LRCH3: variants seen among roughly 807,000 people sequenced by gnomAD.
The protein encoded by LRCH3 is leucine rich repeats and calponin homology domain containing 3, also known as DISP complex protein LRCH3.
A neutral mutation model predicts 104.5 loss-of-function variants in LRCH3; 68 were observed. That is an observed-to-expected ratio of 0.65 (90% CI 0.54 to 0.80). The LOEUF (loss-of-function observed/expected upper bound fraction) is 0.80. Among genes scored for constraint, LRCH3 ranks in the 30% least tolerant of loss-of-function variants. LRCH3 has a pLI of 0.00. For missense variants in LRCH3, 951 were observed against 953.9 expected (o/e 1.00, Z 0.04); for synonymous variants, 344 against 361.3 (o/e 0.95, Z 0.54).
At chr3:197,869,905 G>A (rs538823100) in intron 17 of LRCH3, among the ~76,000 whole-genome samples, 7 of 150,762 alleles carry the variant, frequency 4.6e-5, no homozygotes, top group Admixed American at 4.6e-4. Context: ...GCAGGAGGTA[G>A]AAAGCCATGC....
Position 197,852,594 on chromosome 3 carries a change from C to T in LRCH3, c.1564C>T (p.Pro522Ser). ...ATCACAAAGTCCACAAAAACAGCAC[C>T]CGCTCCTAGATGGCGTAGATGGTGA... ...KASQSPQKQHPLLDGVDGECP... is the reference protein window; with the variant it reads ...KASQSPQKQHSLLDGVDGECP... Residue 522 changes from proline (P) to serine (S), a missense_variant, in exon 13 of 21, where the codon CCG becomes TCG. Coordinates refer to ENST00000425562, the MANE Select transcript of LRCH3 (RefSeq NM_001365715.1). 6.2e-7 allele frequency: 1 copy of T among 1,614,040 alleles called. No individual in the cohort carries two copies. Among genetic ancestry groups the T allele is most frequent in the East Asian group, 2.2e-5 (1 of 44,876 alleles).
At chr3:197,792,577 T>TTATA (rs11420466) in intron 1 of LRCH3, among the ~76,000 whole-genome samples, 1,379 of 20,312 alleles carry the variant, frequency 0.068, 268 homozygotes, top group East Asian at 0.15. Context: ...CCAGCTAATT[T>TTATA]TATATATATA....
At position 197,858,858 on chromosome 3, in the gene LRCH3, G is replaced by C; in HGVS notation, c.1669G>C (p.Gly557Arg). 1.2e-6 allele frequency: 2 copies of C among 1,613,872 alleles called. No homozygotes were observed. Among genetic ancestry groups the C allele is most frequent in the Non-Finnish European group, 1.7e-6 (2 of 1,179,850 alleles). The change falls in exon 15 of 21, where the codon GGC becomes CGC. Residue 557 changes from glycine to arginine, a missense_variant. Physicochemically the swap from Gly to Arg is moderately radical, Grantham distance 125. Transcript: ENST00000425562. Reference protein sequence around the residue: ...CMSLSGLNQVGCAATLPHSSA... With the variant: ...CMSLSGLNQVRCAATLPHSSA... ...GTCGCTGTCAGGGTTGAATCAAGTG[G>C]GCTGTGCTGCTACCCTGCCTCATTC... is the stretch of plus-strand genomic sequence containing the variant.
In LRCH3 at chr3:197,883,267, C is replaced by T. The variant is rs1256458290; in HGVS notation, c.2209-274C>T. The T allele has an allele frequency of 8.8e-7, 1 of 1,131,028 alleles. No homozygotes were observed. Among genetic ancestry groups the T allele is most frequent in the Non-Finnish European group, 1.1e-6 (1 of 921,572 alleles). 70.1% of individuals were successfully genotyped at this position (1,131,028 alleles called of 1,614,324 possible). Reference sequence around the variant, plus strand: ...TGCTTTCACCCTGCGGTATTGTTTTCCCTCTGTTGTATGTATAGATATATG... The same window carrying T: ...TGCTTTCACCCTGCGGTATTGTTTTTCCTCTGTTGTATGTATAGATATATG... On this transcript the variant is annotated intron_variant, in intron 20 of 20. Coordinates refer to ENST00000425562, the MANE Select transcript of LRCH3 (RefSeq NM_001365715.1). The surrounding 1 kb of genome is among the most constrained non-coding windows in gnomAD (Gnocchi z 4.2).
At position 197,829,577 on chromosome 3, in the gene LRCH3, G is replaced by T; in HGVS notation, c.791G>T (p.Gly264Val). ...GACTTTATTTAGATATGTATAAAAG[G>T]CAAAGTCCACATATTTAAATACCTG... is the stretch of plus-strand genomic sequence containing the variant. ...QSPPAQICIK[G>V]KVHIFKYLNI... The change falls in exon 6 of 21, where the codon GGC (glycine) becomes GTC (valine). Residue 264 changes from glycine (G) to valine (V), a missense_variant. Gly to Val is a moderately radical substitution (Grantham distance 109, BLOSUM62 -3). Coordinates refer to ENST00000425562, the MANE Select transcript of LRCH3 (RefSeq NM_001365715.1). 1 of 1,609,212 alleles carries T rather than the reference G, an allele frequency of 6.2e-7. No homozygotes were observed. Among genetic ancestry groups the T allele is most frequent in the Non-Finnish European group, 8.5e-7 (1 of 1,178,428 alleles).
At position 197,825,834 on chromosome 3, in the gene LRCH3, G is replaced by T. The variant is rs532619770; in HGVS notation, c.641-1044G>T. Among the ~76,000 whole-genome samples the T allele has an allele frequency of 1.6e-3, 250 of 152,044 alleles. 2 individuals are homozygous for T. The highest frequency in any genetic ancestry group is 3.4e-3 in the Middle Eastern group (1 of 294). The stretch of plus-strand genomic sequence containing the variant: ...CTGTGTCATTTTGTGTTACCTTATG[G>T]TAAAATAGTTCCAACCATTCTTATG... On this transcript the variant is annotated intron_variant, in intron 4 of 20. Transcript: ENST00000425562.
chr3:197,850,535 C>T (rs997313298), intron 12 of LRCH3: 2 of 1,590,618 alleles, frequency 1.3e-6, no homozygotes, highest in African/African-American at 2.7e-5. Flanking sequence ...AGGGAGAGCT[C>T]ATGTATGGGT....
chr3:197,856,636 C>T lies in LRCH3; in HGVS notation c.1644+2191C>T, dbSNP rs1740283683. On this transcript the variant is annotated intron_variant, in intron 14 of 20. Coordinates refer to ENST00000425562, the MANE Select transcript of LRCH3 (RefSeq NM_001365715.1). The surrounding 1 kb of genome is among the most constrained non-coding windows in gnomAD (Gnocchi z 4.2). Reference sequence around the variant, plus strand: ...TCCAGGGCTCAAGCAATCCTCCTGCCCCAGCCTCCCAAAGTGCTGAGATTA... The same window carrying T: ...TCCAGGGCTCAAGCAATCCTCCTGCTCCAGCCTCCCAAAGTGCTGAGATTA... 2.0e-5 allele frequency among the ~76,000 whole-genome samples: 3 copies of T among 152,086 alleles called. No individual in the cohort carries two copies. The highest frequency in any genetic ancestry group is 2.1e-4 in the South Asian group (1 of 4,834).
At chr3:197,835,922 C>G in intron 9 of LRCH3, 100 bp downstream of exon 9, 1 of 1,277,806 alleles carries the variant, frequency 7.8e-7, no homozygotes, top group Non-Finnish European at 1.1e-6. Context: ...TTGACTGAAG[C>G]CTAATTGTTT....
rs1263457490 is a variant in LRCH3, at chr3:197,871,440, T to G, written c.2108T>G (p.Ile703Ser). The G allele has an allele frequency of 6.2e-7, 1 of 1,613,954 alleles. No homozygotes were observed. Among genetic ancestry groups the G allele is most frequent in the African/African-American group, 1.3e-5 (1 of 75,048 alleles). ...NHVRPRSVPS[I>S]HVPSPAVPKL... ...GTGCGACCTCGATCTGTCCCAAGCATTCATGTTCCCTCACCAGCTGTAGTA... is the reference window on the plus strand; with the variant it reads ...GTGCGACCTCGATCTGTCCCAAGCAGTCATGTTCCCTCACCAGCTGTAGTA... The change falls in exon 19 of 21, where the codon ATT (isoleucine) becomes AGT (serine). Residue 703 changes from isoleucine to serine, a missense_variant. By Grantham distance (142) the Ile-to-Ser change is moderately radical. Coordinates refer to ENST00000425562, the MANE Select transcript of LRCH3 (RefSeq NM_001365715.1).
At chr3:197,808,901 G>GAA (rs34153607) in intron 1 of LRCH3, among the ~76,000 whole-genome samples, 9 of 150,804 alleles carry the variant, frequency 6.0e-5, no homozygotes, top group South Asian at 2.1e-4. Flanking sequence ...GACTGTCTCA[G>GAA]AAAAAAAAAG....
At chr3:197,870,496 G>A (rs575414627) in intron 18 of LRCH3, among the ~76,000 whole-genome samples, 1 of 151,962 alleles carries the variant, frequency 6.6e-6, no homozygotes, top group East Asian at 1.9e-4. Context: ...CTCCTGAGTC[G>A]CTGGGATTAC....
At chr3:197,864,628 A>G (rs1463550313) in intron 15 of LRCH3, among the ~76,000 whole-genome samples, 1 of 150,346 alleles carries the variant, frequency 6.7e-6, no homozygotes, top group Non-Finnish European at 1.5e-5. Flanking sequence ...AAAAAACAAA[A>G]AACAAAAAAA....
chr3:197,874,426 A>G (rs1376774182), intron 19 of LRCH3, among the ~76,000 whole-genome samples: 1 of 152,198 alleles, frequency 6.6e-6, no homozygotes, highest in Non-Finnish European at 1.5e-5. Flanking sequence ...AGTGTCTCCC[A>G]TCATCCCCAG....
chr3:197,877,876 T>TA lies in LRCH3; in HGVS notation c.2208+2102dup, dbSNP rs1713084101. Among the ~76,000 whole-genome samples the TA allele has an allele frequency of 3.3e-5, 5 of 152,354 alleles. No homozygotes were observed. The South Asian group carries it at 1.0e-3, about 32-fold the overall frequency. On this transcript the variant is annotated intron_variant, in intron 20 of 20. Coordinates refer to ENST00000425562, the MANE Select transcript of LRCH3 (RefSeq NM_001365715.1). ...AAATTGAAAGCAAAATTTTCGTTTT[T>TA]ATATTATGTTGTTTTATAAAGGGTC...
intron 4 of LRCH3, among the ~76,000 whole-genome samples, chr3:197,821,763 C>T (rs1428640574): frequency 1.3e-5 from 2 of 152,254 alleles, no homozygotes; most frequent in African/African-American, 2.4e-5. Context: ...CAGCCTCGAC[C>T]TCTCAGGTTT....
intron 12 of LRCH3, among the ~76,000 whole-genome samples, chr3:197,849,267 C>CA (rs35823428): frequency 0.19 from 6,359 of 34,220 alleles, 684 homozygotes; most frequent in African/African-American, 0.24. Context: ...GACTCCACCT[C>CA]AAAAAAAAAA....
At chr3:197,819,380 TTC>T (rs1734228234) in intron 3 of LRCH3, among the ~76,000 whole-genome samples, 1 of 152,098 alleles carries the variant, frequency 6.6e-6, no homozygotes, top group Non-Finnish European at 1.5e-5. Flanking sequence ...TCCTTTCAAC[TTC>T]TTTTAGAACC....
At chr3:197,826,228 C>T (rs527328932) in intron 4 of LRCH3, among the ~76,000 whole-genome samples, 12 of 152,230 alleles carry the variant, frequency 7.9e-5, no homozygotes, top group African/African-American at 2.2e-4. Flanking sequence ...TTATATGGGA[C>T]TGTGAAGTTT....
Sources: gnomAD v4.1 joint callset for allele counts (sites outside exome capture counted in the v4.1 genomes callset) on GRCh38, gnomAD v4.1.1 for gene constraint, Gnocchi (gnomAD v3.1) non-coding constraint, MANE v1.5 for transcripts, NCBI Gene and HGNC (gene_info 2026-07-23, HGNC 2026-07-21) for gene names.